The following CHST6 variants were observed in gnomAD, a reference collection of about 807,000 sequenced individuals.
CHST6 encodes the protein N-acetylglucosamine 6-O-sulfotransferase 5.
For synonymous variants in CHST6, 309 were observed against 276.4 expected, an observed-to-expected ratio of 1.12 and a Z score of -1.17; for missense variants, 698 against 586.2, an observed-to-expected ratio of 1.19 and a Z score of -1.97.
intron 1 of CHST6, among the ~76,000 whole-genome samples, chr16:75,493,388 AAT>A (rs1261075413): frequency 6.6e-6 from 1 of 152,020 alleles, no homozygotes; most frequent in African/African-American, 2.4e-5. Context: ...GGGTGCCTGT[AAT>A]CCCAGCTACT....
At chr16:75,486,371 A>G (rs1052138887) in intron 1 of CHST6, among the ~76,000 whole-genome samples, 1 of 152,176 alleles carries the variant, frequency 6.6e-6, no homozygotes, top group Non-Finnish European at 1.5e-5. Context: ...TTTCCTTCTG[A>G]TAACAGTCTC....
chr16:75,482,664 T>A (rs2080154924), intron 1 of CHST6, among the ~76,000 whole-genome samples: 1 of 152,176 alleles, frequency 6.6e-6, no homozygotes, highest in African/African-American at 2.4e-5. Flanking sequence ...TGCAATGATC[T>A]CAAGGCTGGG....
In CHST6 at chr16:75,479,197, C is replaced by G. The variant is rs771397083; in HGVS notation, c.632G>C (p.Arg211Pro). ...VRDPRAVLRS[R>P]EQTAKALARD... ...CGCCAGAGCCTTGGCTGTCTGCTCC[C>G]GGGAGCGCAGCACGGCCCGCGGGTC... Residue 211 changes from arginine to proline, a missense_variant, in exon 3 of 3, where the codon CGG becomes CCG. Arg to Pro is a moderately radical substitution (Grantham distance 103). Transcript: ENST00000332272. The G allele has an allele frequency of 1.2e-6, 2 of 1,608,908 alleles. No individual in the cohort carries two copies. Among genetic ancestry groups the G allele is most frequent in the Non-Finnish European group, 1.7e-6 (2 of 1,179,162 alleles).
At chr16:75,490,519 GA>G (rs1417674887) in intron 1 of CHST6, 1 of 152,066 alleles carries the variant, frequency 6.6e-6, no homozygotes, top group Non-Finnish European at 1.5e-5. Context: ...AGGCAGCGGG[GA>G]AATGCAAATT....
chr16:75,484,435 C>A (rs2080173948), intron 1 of CHST6, among the ~76,000 whole-genome samples: 1 of 152,210 alleles, frequency 6.6e-6, no homozygotes, highest in Non-Finnish European at 1.5e-5. Context: ...CAGTCCTGAG[C>A]CTTTGTCCAG....
rs1012436660 is a variant in CHST6 at position 75,474,678 on chromosome 16, C to G, written c.*3963G>C. On this transcript the variant is annotated 3_prime_UTR_variant, in exon 3 of 3. Coordinates refer to ENST00000332272, the MANE Select transcript of CHST6 (RefSeq NM_021615.5). ...TCTAGCGAGAGCCTTCTTGCTGTGT[C>G]CTAGCATGATGGAAGGCATCATATG... The G allele has an allele frequency of 3.8e-5, 15 of 398,588 alleles. No homozygotes were observed. The highest frequency in any genetic ancestry group is 2.5e-4 in the African/African-American group (12 of 48,612). 24.7% of individuals were successfully genotyped at this position (398,588 alleles called of 1,614,324 possible).
intron 1 of CHST6, among the ~76,000 whole-genome samples, chr16:75,488,961 A>G (rs542130636): frequency 6.6e-6 from 1 of 152,192 alleles, no homozygotes; most frequent in South Asian, 2.1e-4. Context: ...GGCAGGAACA[A>G]GGAACCCCTG....
At chr16:75,488,820 G>C (rs1051600941) in intron 1 of CHST6, among the ~76,000 whole-genome samples, 2 of 151,452 alleles carry the variant, frequency 1.3e-5, no homozygotes, top group East Asian at 1.9e-4. Context: ...CCGGGAGGTG[G>C]AGGTTGCAGT....
chr16:75,489,164 C>T (rs535411047), intron 1 of CHST6, among the ~76,000 whole-genome samples: 3 of 151,670 alleles, frequency 2.0e-5, no homozygotes, highest in East Asian at 3.9e-4. Flanking sequence ...TTTGGGAGGC[C>T]GAGGCGGGCG....
At position 75,479,614 on chromosome 16, in the gene CHST6, G is replaced by A; in HGVS notation, c.215C>T (p.Pro72Leu). 6.2e-7 allele frequency: 1 copy of A among 1,612,884 alleles called. No individual in the cohort carries two copies. The highest frequency in any genetic ancestry group is 1.7e-5 in the Admixed American group (1 of 60,014). ...CAGGGTGGTCCACACGTGCCACGCG[G>A]GCTCCATTAGGTAGAAGACGTCGGG... is the stretch of plus-strand genomic sequence containing the variant. ...QHPDVFYLME[P>L]AWHVWTTLSQ... The change falls in exon 3 of 3, where the codon CCC becomes CTC. Residue 72 changes from proline to leucine, a missense_variant. Physicochemically the swap from Pro to Leu is moderately conservative, Grantham distance 98. Transcript: ENST00000332272.
In CHST6 at chr16:75,477,403, G is replaced by C. The variant is rs1185206153; in HGVS notation, c.*1238C>G. ...GCTAGTGACCACCAGCATCGCTCCT[G>C]GTAGCTGATGGCAACGTGAGGGAAA... On this transcript the variant is annotated 3_prime_UTR_variant, in exon 3 of 3. Coordinates refer to ENST00000332272, the MANE Select transcript of CHST6 (RefSeq NM_021615.5). 1 of 152,178 alleles carries C rather than the reference G, an allele frequency of 6.6e-6. No homozygotes were observed. The highest frequency in any genetic ancestry group is 6.5e-5 in the Admixed American group (1 of 15,276). The allele number at this position is 152,178 out of a possible 1,614,324, so 9.4% of individuals were successfully genotyped here. A position where few individuals can be genotyped will look rare whatever the true frequency, so the allele number is the denominator to read the frequency against.
chr16:75,479,067 C>T lies in CHST6; in HGVS notation c.762G>A (p.Glu254=). ...EVCRSHVRIA[E]AATLKPPPFL... is the part of the protein sequence containing the mutation. ...AGGGTGGCGGCTTGAGTGTGGCGGC[C>T]TCGGCGATGCGTACGTGGCTACGGC... is the stretch of plus-strand genomic sequence containing the variant. Residue 254 remains glutamate, a synonymous_variant, in exon 3 of 3, where the codon GAG becomes GAA. Coordinates refer to ENST00000332272, the MANE Select transcript of CHST6 (RefSeq NM_021615.5). 2 of 1,606,448 alleles carry T rather than the reference C, an allele frequency of 1.2e-6. No homozygotes were observed. Among genetic ancestry groups the T allele is most frequent in the Non-Finnish European group, 1.7e-6 (2 of 1,179,450 alleles).
intron 1 of CHST6, among the ~76,000 whole-genome samples, chr16:75,493,483 C>T (rs1392447657): frequency 1.3e-5 from 2 of 149,296 alleles, no homozygotes; most frequent in African/African-American, 5.0e-5. Flanking sequence ...TTTCACTGCA[C>T]TCCAGCCTCG....
At chr16:75,488,184 C>G (rs2650417) in intron 1 of CHST6, among the ~76,000 whole-genome samples, 62,047 of 151,978 alleles carry the variant, frequency 0.41, 13,238 homozygotes, top group Middle Eastern at 0.57. Flanking sequence ...CCAAAGCCAC[C>G]TGGGCACGGT....
At position 75,475,011 on chromosome 16, in the gene CHST6, GTC is replaced by G. The variant is rs1383139761; in HGVS notation, c.*3628_*3629del. 1.3e-5 allele frequency: 3 copies of G among 224,822 alleles called. No individual in the cohort carries two copies. The highest frequency in any genetic ancestry group is 1.2e-4 in the Admixed American group (2 of 17,384). The allele number at this position is 224,822 out of a possible 1,614,324, so 13.9% of individuals were successfully genotyped here. ...GTGTTTTACCTTGTTGGCCAGGCTG[GTC>G]TCAAACTCCTGACCTCAAGTAATCC... On this transcript the variant is annotated 3_prime_UTR_variant, in exon 3 of 3. Transcript: ENST00000332272.
At chr16:75,484,176 A>G (rs1360786984) in intron 1 of CHST6, among the ~76,000 whole-genome samples, 1 of 151,792 alleles carries the variant, frequency 6.6e-6, no homozygotes, top group Non-Finnish European at 1.5e-5. Context: ...CGTCTCTACT[A>G]AAAATATAAA....
At chr16:75,484,916 A>G (rs749984436) in intron 1 of CHST6, among the ~76,000 whole-genome samples, 2 of 152,184 alleles carry the variant, frequency 1.3e-5, no homozygotes, top group Admixed American at 6.5e-5. Context: ...TCATATGTGA[A>G]GACAGGAAAA....
chr16:75,493,148 G>A (rs2080273728), intron 1 of CHST6, among the ~76,000 whole-genome samples: 1 of 152,086 alleles, frequency 6.6e-6, no homozygotes, highest in African/African-American at 2.4e-5. Context: ...TTAAGAGTGT[G>A]AATCCCACTT....
chr16:75,489,509 G>A (rs934058028), intron 1 of CHST6, among the ~76,000 whole-genome samples: 4 of 151,846 alleles, frequency 2.6e-5, no homozygotes, highest in African/African-American at 9.7e-5. Flanking sequence ...GGAGCTCTTC[G>A]CTACATAGTG....
Sources: allele counts gnomAD v4.1 joint callset (sites outside exome capture counted in the v4.1 genomes callset), GRCh38; gene constraint gnomAD v4.1.1; transcripts MANE v1.5; gene names NCBI Gene and HGNC (gene_info 2026-07-23, HGNC 2026-07-21).